MACROD2: variants seen among roughly 807,000 people sequenced by gnomAD.
MACROD2 encodes mono-ADP ribosylhydrolase 2.
In MACROD2, 36 loss-of-function variants were observed where a neutral mutation model predicts 70.4. The ratio of observed to expected loss-of-function variants is 0.51; its 90% CI spans 0.39 to 0.68. The LOEUF (loss-of-function observed/expected upper bound fraction) is 0.68, where lower values mean the gene tolerates loss of function less well. Among genes scored for constraint, MACROD2 ranks in the 30% least tolerant of loss-of-function variants. The pLI, the probability that MACROD2 is intolerant of heterozygous loss-of-function variation, is 0.00. For synonymous variants in MACROD2, 172 were observed against 178.8 expected (o/e 0.96, Z 0.30); for missense variants, 496 against 538.4 (o/e 0.92, Z 0.78).
In MACROD2 at chr20:15,537,241, A is replaced by G. The variant is rs545231093; in HGVS notation, c.645+37394A>G. ...TTTCTCTTATCTGCCACCAAGTAAT[A>G]TGTGCCTTTTGCCTTCTGTCATGGT... On this transcript the variant is annotated intron_variant, in intron 8 of 17. Coordinates refer to ENST00000684519, the MANE Select transcript of MACROD2 (RefSeq NM_001351661.2). Among the ~76,000 whole-genome samples the G allele has an allele frequency of 1.1e-4, 17 of 152,214 alleles. No homozygotes were observed. In the South Asian group the frequency reaches 3.3e-3, roughly 30 times the overall value.
At chr20:15,216,303 G>T (rs972667378) in intron 5 of MACROD2, among the ~76,000 whole-genome samples, 2 of 151,740 alleles carry the variant, frequency 1.3e-5, no homozygotes, top group Non-Finnish European at 2.9e-5. Flanking sequence ...AATATTTTAT[G>T]TACCCCAGAA....
chr20:15,582,826 A>T (rs2048544088), intron 8 of MACROD2, among the ~76,000 whole-genome samples: 1 of 152,182 alleles, frequency 6.6e-6, no homozygotes, highest in Admixed American at 6.5e-5. Flanking sequence ...CACAGGAGAA[A>T]TATCTGTTCT....
intron 8 of MACROD2, among the ~76,000 whole-genome samples, chr20:15,610,816 G>A (rs1482380218): frequency 1.3e-5 from 2 of 152,122 alleles, no homozygotes; most frequent in East Asian, 3.9e-4. Flanking sequence ...GGTGTTGGCA[G>A]TGGAAAACCA....
At chr20:14,888,083 G>A (rs1397365783) in intron 5 of MACROD2, 1 of 152,046 alleles carries the variant, frequency 6.6e-6, no homozygotes, top group Non-Finnish European at 1.5e-5. Flanking sequence ...TAGTTAGTGG[G>A]TGGTCTCATT....
At chr20:14,281,829 G>A (rs1220789577) in intron 3 of MACROD2, among the ~76,000 whole-genome samples, 1 of 151,304 alleles carries the variant, frequency 6.6e-6, no homozygotes, top group Non-Finnish European at 1.5e-5. Flanking sequence ...CAGCTACTCA[G>A]GAGGCTGAGG....
At chr20:15,999,795 C>G (rs968628343) in intron 15 of MACROD2, among the ~76,000 whole-genome samples, 1 of 152,190 alleles carries the variant, frequency 6.6e-6, no homozygotes, top group African/African-American at 2.4e-5. Flanking sequence ...CCACCTTGCT[C>G]TCTTCTGGCA....
intron 5 of MACROD2, among the ~76,000 whole-genome samples, chr20:15,087,337 C>G (rs1052207466): frequency 2.0e-5 from 3 of 151,960 alleles, no homozygotes; most frequent in South Asian, 4.1e-4. Flanking sequence ...CTACTATAAT[C>G]TAAATACCAT....
intron 5 of MACROD2, among the ~76,000 whole-genome samples, chr20:15,007,983 G>A (rs1199343019): frequency 6.6e-6 from 1 of 152,180 alleles, no homozygotes; most frequent in African/African-American, 2.4e-5. Context: ...TTCATCCTCT[G>A]TAGTACAGGA....
At chr20:14,846,339 T>C (rs1479021206) in intron 5 of MACROD2, among the ~76,000 whole-genome samples, 1 of 152,092 alleles carries the variant, frequency 6.6e-6, no homozygotes, top group South Asian at 2.1e-4. Context: ...TTCTCATGCC[T>C]CAGCCTCCTG....
intron 3 of MACROD2, among the ~76,000 whole-genome samples, chr20:14,182,842 T>C (rs1435747366): frequency 3.3e-5 from 5 of 151,966 alleles, no homozygotes; most frequent in African/African-American, 1.2e-4. Context: ...ACTGCTCTTT[T>C]CCAGGCCTTT....
At chr20:14,625,972 A>T (rs1471903627) in intron 4 of MACROD2, among the ~76,000 whole-genome samples, 2 of 151,992 alleles carry the variant, frequency 1.3e-5, no homozygotes, top group African/African-American at 4.8e-5. Flanking sequence ...ACAGGCATGC[A>T]CCATGATGCC....
At chr20:14,539,285 C>T (rs2085403099) in intron 4 of MACROD2, among the ~76,000 whole-genome samples, 1 of 152,126 alleles carries the variant, frequency 6.6e-6, no homozygotes, top group East Asian at 1.9e-4. Context: ...AGCAGTTGTT[C>T]CCACATACAC....
chr20:14,565,890 C>A (rs1395522735), intron 4 of MACROD2, among the ~76,000 whole-genome samples: 1 of 151,794 alleles, frequency 6.6e-6, no homozygotes, highest in Non-Finnish European at 1.5e-5. Context: ...TTTCTTTTTA[C>A]CCCTAAGACC....
At chr20:14,116,533 T>G (rs372891079) in intron 3 of MACROD2, among the ~76,000 whole-genome samples, 29 of 152,200 alleles carry the variant, frequency 1.9e-4, no homozygotes, top group African/African-American at 6.8e-4. Context: ...GATTTATTTT[T>G]TAATGCAATT....
At chr20:14,941,368 C>T (rs2074388103) in intron 5 of MACROD2, among the ~76,000 whole-genome samples, 1 of 152,088 alleles carries the variant, frequency 6.6e-6, no homozygotes, top group Admixed American at 6.5e-5. Context: ...CCTCCAGGCA[C>T]TACTGATGCT....
At chr20:15,960,659 G>A (rs1462405687) in intron 12 of MACROD2, among the ~76,000 whole-genome samples, 2 of 152,162 alleles carry the variant, frequency 1.3e-5, no homozygotes, top group Non-Finnish European at 2.9e-5. Context: ...TCCCCTAAGA[G>A]ATGTATAGAG....
intron 3 of MACROD2, among the ~76,000 whole-genome samples, chr20:14,402,242 A>G (rs2083645368): frequency 6.6e-6 from 1 of 152,154 alleles, no homozygotes; most frequent in Non-Finnish European, 1.5e-5. Flanking sequence ...GTTGTTTTCT[A>G]AAACACTTAA....
chr20:15,143,706 T>A (rs1305014229), intron 5 of MACROD2, among the ~76,000 whole-genome samples: 1 of 151,752 alleles, frequency 6.6e-6, no homozygotes, highest in Non-Finnish European at 1.5e-5. Context: ...AATGGTGCAC[T>A]TCCCCCAAAA....
At chr20:15,250,263 G>A (rs980137756) in intron 6 of MACROD2, among the ~76,000 whole-genome samples, 1 of 152,080 alleles carries the variant, frequency 6.6e-6, no homozygotes, top group Non-Finnish European at 1.5e-5. Context: ...TTTGCCCCAG[G>A]TATTATTTTG....
Sources: allele counts gnomAD v4.1 joint callset (sites outside exome capture counted in the v4.1 genomes callset), GRCh38; gene constraint gnomAD v4.1.1; transcripts MANE v1.5; gene names NCBI Gene and HGNC (gene_info 2026-07-23, HGNC 2026-07-21).